AMBRA1: variants seen among roughly 807,000 people sequenced by gnomAD.
AMBRA1 encodes autophagy and beclin 1 regulator 1.
Under a neutral mutation model 125.4 loss-of-function variants are expected in AMBRA1, and 47 were observed. The observed-to-expected ratio is 0.37, with a 90% CI of 0.30 to 0.48. The LOEUF (loss-of-function observed/expected upper bound fraction) is 0.48, where lower values mean the gene tolerates loss of function less well. Ranked by LOEUF, AMBRA1 falls within the 20% of genes least tolerant of loss-of-function variation. The pLI is 0.99. For missense variants in AMBRA1, 1,331 were observed against 1,693.4 expected, an observed-to-expected ratio of 0.79 and a Z score of 3.76; for synonymous variants, 626 against 655.5, an observed-to-expected ratio of 0.95 and a Z score of 0.69.
intron 16 of AMBRA1, 25 bp downstream of exon 16, chr11:46,410,251 C>T (rs2136621787): frequency 6.2e-7 from 1 of 1,609,980 alleles, no homozygotes; most frequent in Non-Finnish European, 8.5e-7. Context: ...CAGCCAGCTG[C>T]TCCCTGCCTA....
In AMBRA1 at chr11:46,541,942, T is replaced by C. The variant is rs1337113673; in HGVS notation, c.2072+3A>G. The C allele has an allele frequency of 6.2e-7, 1 of 1,603,352 alleles. No individual in the cohort carries two copies. The highest frequency in any genetic ancestry group is 8.5e-7 in the Non-Finnish European group (1 of 1,177,442). On this transcript the variant is annotated splice_donor_region_variant and intron_variant, in intron 7 of 17. Coordinates refer to ENST00000683756, the MANE Select transcript of AMBRA1 (RefSeq NM_001387011.1). ...TGCAGAAGATAGGAAAGCGACTGCT[T>C]ACCTCCTGAGTGAATCCTCCTCAGA...
chr11:46,593,399 T>TTCCATAAGCC (rs2044676929), intron 1 of AMBRA1, among the ~76,000 whole-genome samples: 1 of 152,044 alleles, frequency 6.6e-6, no homozygotes, highest in African/African-American at 2.4e-5. Flanking sequence ...GAGGGCCTTG[T>TTCCATAAGCC]TCCATAAGCC....
chr11:46,508,329 T>A lies in AMBRA1; in HGVS notation c.2201A>T (p.Tyr734Phe). ...AAYYAQRMIQ[Y>F]LSRRDSIRQR... ...GCGAATACTGTCTCTCCGTGAGAGA[T>A]ACTGGATCATCCTCTGGGCGTAGTA... The change falls in exon 9 of 18, where the codon TAT becomes TTT. Residue 734 changes from tyrosine (Y) to phenylalanine (F), a missense_variant. This residue lies in a region of AMBRA1 where 689 missense variants were observed against 776.5 expected (regional missense o/e 0.89). Transcript: ENST00000683756. 6.2e-7 allele frequency: 1 copy of A among 1,614,234 alleles called. No individual in the cohort carries two copies. Among genetic ancestry groups the A allele is most frequent in the Non-Finnish European group, 8.5e-7 (1 of 1,180,038 alleles).
In AMBRA1 at chr11:46,543,121, G is replaced by C; in HGVS notation, c.896C>G (p.Ala299Gly). Residue 299 changes from alanine (A) to glycine (G), a missense_variant, in exon 7 of 18, where the codon GCT (alanine) becomes GGT (glycine). By Grantham distance (60) the Ala-to-Gly change is moderately conservative (BLOSUM62 0). This residue lies in a region of AMBRA1 where 689 missense variants were observed against 776.5 expected (regional missense o/e 0.89). Coordinates refer to ENST00000683756, the MANE Select transcript of AMBRA1 (RefSeq NM_001387011.1). ...GATCCCAAGGTGCTGGCAGCACTCA[G>C]CTGTGGGGTAACTGACCCGCTGTCG... ...RLRQRVSYPT[A>G]ECCQHLGILC... 1 of 1,573,688 alleles carries C rather than the reference G, an allele frequency of 6.4e-7. No homozygotes were observed. Among genetic ancestry groups the C allele is most frequent in the Non-Finnish European group, 8.6e-7 (1 of 1,165,740 alleles).
chr11:46,400,473 GTTTTTTTTTTTTTTTTTTTTTTTT>G (rs553040136), intron 17 of AMBRA1, among the ~76,000 whole-genome samples: 2 of 48,894 alleles, frequency 4.1e-5, no homozygotes, highest in Non-Finnish European at 8.3e-5. Context: ...TCTTTCTATA[GTTTTTTTTTTTTTTTTTTTTTTTT>G]TTTTTTTTTT....
Position 46,408,538 on chromosome 11 carries a change from C to A in AMBRA1, c.3378G>T (p.Gly1126=). 1 of 1,581,678 alleles carries A rather than the reference C, an allele frequency of 6.3e-7. No individual in the cohort carries two copies. The change falls in exon 17 of 18, where the codon GGG becomes GGT. Residue 1126 remains glycine (G), a synonymous_variant. Coordinates refer to ENST00000683756, the MANE Select transcript of AMBRA1 (RefSeq NM_001387011.1). ...CTTCACCAGGACCTGAGGCGGCTGT[C>A]CCTGGCTCCGGCACCTCCCTCTCAG... The part of the protein sequence containing the change: ...TQTEREVPEP[G]TAASGPGEGE...
intron 4 of AMBRA1, 149 bp from the exon 5 acceptor site, chr11:46,545,925 C>T (rs61882746): frequency 0.17 from 117,032 of 678,228 alleles, 11,912 homozygotes; most frequent in African/African-American, 0.36. Flanking sequence ...AGAAGATCAG[C>T]GATCTGGTAG....
intron 1 of AMBRA1, among the ~76,000 whole-genome samples, chr11:46,571,686 T>TC (rs2043761149): frequency 1.6e-5 from 2 of 125,190 alleles, no homozygotes; most frequent in South Asian, 2.8e-4. Context: ...AATCAATCAA[T>TC]CTTTTTTTTT....
chr11:46,421,141 G>C (rs1367093514), intron 14 of AMBRA1, among the ~76,000 whole-genome samples: 2 of 151,672 alleles, frequency 1.3e-5, no homozygotes, highest in Non-Finnish European at 2.9e-5. Context: ...TATGATAGAT[G>C]AACCCAGCTT....
chr11:46,490,842 G>A (rs2136949771), intron 11 of AMBRA1, among the ~76,000 whole-genome samples: 1 of 152,288 alleles, frequency 6.6e-6, no homozygotes, highest in South Asian at 2.1e-4. Context: ...TATGACAGCT[G>A]TAGAACAAAT....
chr11:46,407,646 C>T (rs1244148990), intron 17 of AMBRA1, among the ~76,000 whole-genome samples: 1 of 152,234 alleles, frequency 6.6e-6, no homozygotes, highest in Non-Finnish European at 1.5e-5. Flanking sequence ...TTCATGGCAT[C>T]GCAAGCGACC....
chr11:46,481,348 G>A (rs1950059560), intron 11 of AMBRA1, among the ~76,000 whole-genome samples: 1 of 152,120 alleles, frequency 6.6e-6, no homozygotes, highest in Non-Finnish European at 1.5e-5. Context: ...GAGCATAGTA[G>A]CCCCCTCCCC....
chr11:46,399,381 T>G (rs1406599838), intron 17 of AMBRA1, among the ~76,000 whole-genome samples: 1 of 148,004 alleles, frequency 6.8e-6, no homozygotes, highest in African/African-American at 2.5e-5. Context: ...GCCTTTGTTT[T>G]TTGAGATGGA....
At chr11:46,479,225 T>C (rs1224081493) in intron 11 of AMBRA1, among the ~76,000 whole-genome samples, 2 of 151,338 alleles carry the variant, frequency 1.3e-5, no homozygotes, top group African/African-American at 2.4e-5. Flanking sequence ...AAAAAAGCAA[T>C]GTGTTCAGAG....
chr11:46,561,484 A>C (rs1176931934), intron 1 of AMBRA1, among the ~76,000 whole-genome samples: 2 of 152,198 alleles, frequency 1.3e-5, no homozygotes, highest in Admixed American at 6.5e-5. Context: ...CTCATCAGAC[A>C]AATAAGAAAA....
At chr11:46,506,312 A>G (rs969018028) in intron 9 of AMBRA1, among the ~76,000 whole-genome samples, 1 of 152,230 alleles carries the variant, frequency 6.6e-6, no homozygotes, top group African/African-American at 2.4e-5. Flanking sequence ...ACTTCAGGCC[A>G]TCCCTGCATT....
intron 11 of AMBRA1, chr11:46,491,272 C>A (rs1023794365): frequency 6.6e-6 from 1 of 152,198 alleles, no homozygotes; most frequent in Non-Finnish European, 1.5e-5. Context: ...GGAGGCGGAT[C>A]GGGAAGGTGG....
intron 1 of AMBRA1, among the ~76,000 whole-genome samples, chr11:46,580,487 C>G (rs990872446): frequency 3.3e-5 from 5 of 152,196 alleles, no homozygotes; most frequent in Admixed American, 3.3e-4. Context: ...TAATCCAAAT[C>G]TGCTCCTCCT....
intron 8 of AMBRA1, among the ~76,000 whole-genome samples, chr11:46,510,723 TC>T (rs1211588041): frequency 6.6e-6 from 1 of 152,158 alleles, no homozygotes; most frequent in Admixed American, 6.5e-5. Context: ...TACAAGTATA[TC>T]CTAGCCTTGT....
Sources: allele counts gnomAD v4.1 joint callset (sites outside exome capture counted in the v4.1 genomes callset), GRCh38; gene constraint gnomAD v4.1.1; regional missense constraint gnomAD v4.1.1; transcripts MANE v1.5; gene names NCBI Gene and HGNC (gene_info 2026-07-23, HGNC 2026-07-21).